The following CGNL1 variants were observed in gnomAD, a reference collection of about 807,000 sequenced individuals.
The protein encoded by CGNL1 is cingulin-like protein 1.
CGNL1 carries 132 observed loss-of-function variants against 141.2 expected under a neutral mutation model. That is an observed-to-expected ratio of 0.93 (90% CI 0.81 to 1.08). The LOEUF (loss-of-function observed/expected upper bound fraction) is 1.08. CGNL1 is among the 50% of genes least tolerant of loss of function. The probability of loss-of-function intolerance (pLI) is 0.00; values close to 1 mark genes in which losing one functional copy is unlikely to be tolerated. For missense variants in CGNL1, 1,870 were observed against 1,588.6 expected, an observed-to-expected ratio of 1.18 and a Z score of -3.01; for synonymous variants, 690 against 622.1, an observed-to-expected ratio of 1.11 and a Z score of -1.63.
chr15:57,390,349 C>CTGGA lies in CGNL1; in HGVS notation c.-16+13782_-16+13783insTGGA, dbSNP rs140462233. Among the ~76,000 whole-genome samples, 257 of 152,324 alleles carry CTGGA rather than the reference C, an allele frequency of 1.7e-3. 2 individuals carry two copies. The highest frequency in any genetic ancestry group is 5.9e-3 in the African/African-American group (246 of 41,572). On this transcript the variant is annotated intron_variant, in intron 1 of 18. Coordinates refer to ENST00000281282, the MANE Select transcript of CGNL1 (RefSeq NM_032866.5). Reference sequence around the variant, plus strand: ...GATTACAGAGGCATAAGAAGGCAAGCAGAAATGCTGGAAGCCTCTTAAAGC... The same window carrying CTGGA: ...GATTACAGAGGCATAAGAAGGCAAGCTGGAAGAAATGCTGGAAGCCTCTTAAAGC...
At chr15:57,459,118 C>T (rs746667497) in intron 7 of CGNL1, among the ~76,000 whole-genome samples, 6 of 152,186 alleles carry the variant, frequency 3.9e-5, no homozygotes, top group South Asian at 4.1e-4. Flanking sequence ...TTGGGTCCCC[C>T]GGTGGCAACC....
intron 3 of CGNL1, among the ~76,000 whole-genome samples, chr15:57,440,943 T>C (rs2063178774): frequency 6.6e-6 from 1 of 152,096 alleles, no homozygotes; most frequent in Non-Finnish European, 1.5e-5. Context: ...CTTTCCATGC[T>C]TATCTTGGTG....
chr15:57,543,496 T>C (rs1182030493), intron 14 of CGNL1, among the ~76,000 whole-genome samples, 200 bp from the exon 15 acceptor site: 2 of 152,162 alleles, frequency 1.3e-5, no homozygotes, highest in Non-Finnish European at 2.9e-5. Context: ...TTATTTGTAT[T>C]ACCAGTATTG....
intron 1 of CGNL1, among the ~76,000 whole-genome samples, chr15:57,389,190 C>T (rs1186256457): frequency 3.9e-5 from 6 of 151,990 alleles, no homozygotes; most frequent in African/African-American, 1.5e-4. Context: ...CCTGGGGCAT[C>T]AGAGTGCTCA....
chr15:57,482,615 G>A (rs2152363731), intron 8 of CGNL1, among the ~76,000 whole-genome samples: 1 of 152,198 alleles, frequency 6.6e-6, no homozygotes, highest in South Asian at 2.1e-4. Flanking sequence ...TAATTTCTGG[G>A]CTCTCTATTC....
intron 8 of CGNL1, among the ~76,000 whole-genome samples, chr15:57,466,133 C>T (rs2152338846): frequency 6.6e-6 from 1 of 152,324 alleles, no homozygotes; most frequent in Admixed American, 6.5e-5. Context: ...TCTTCGTAGT[C>T]TGTTAGGAGA....
At chr15:57,384,420 C>CG (rs1205748668) in intron 1 of CGNL1, among the ~76,000 whole-genome samples, 2 of 152,108 alleles carry the variant, frequency 1.3e-5, no homozygotes, top group Non-Finnish European at 2.9e-5. Flanking sequence ...AACAAGGCCA[C>CG]GGGAAATTGG....
At chr15:57,404,877 C>T (rs12909385) in intron 1 of CGNL1, among the ~76,000 whole-genome samples, 28,909 of 152,074 alleles carry the variant, frequency 0.19, 3,262 homozygotes, top group Non-Finnish European at 0.25. Flanking sequence ...TCCTTGGAGC[C>T]GTAAGACCCC....
At chr15:57,483,058 A>G (rs2063745370) in intron 8 of CGNL1, among the ~76,000 whole-genome samples, 3 of 152,228 alleles carry the variant, frequency 2.0e-5, no homozygotes, top group Admixed American at 1.3e-4. Flanking sequence ...AAGTGCTGGG[A>G]TTATAGGAGT....
intron 8 of CGNL1, among the ~76,000 whole-genome samples, chr15:57,489,941 TAAAAAC>T (rs1410227158): frequency 6.6e-6 from 1 of 152,090 alleles, no homozygotes; most frequent in African/African-American, 2.4e-5. Flanking sequence ...ACTAGAAAAA[TAAAAAC>T]AGTAGCGTTT....
At chr15:57,468,064 T>C (rs544628650) in intron 8 of CGNL1, among the ~76,000 whole-genome samples, 2 of 152,128 alleles carry the variant, frequency 1.3e-5, no homozygotes, top group Admixed American at 1.3e-4. Flanking sequence ...TAATCCACTT[T>C]GTTGGGGGAA....
intron 8 of CGNL1, among the ~76,000 whole-genome samples, chr15:57,513,041 T>C (rs1394224788): frequency 6.6e-6 from 1 of 152,164 alleles, no homozygotes; most frequent in Non-Finnish European, 1.5e-5. Flanking sequence ...TCAGTGGTTT[T>C]AGTATTCACA....
At chr15:57,456,724 C>G (rs527329028) in intron 7 of CGNL1, among the ~76,000 whole-genome samples, 9 of 151,964 alleles carry the variant, frequency 5.9e-5, no homozygotes, top group Middle Eastern at 3.4e-3. Context: ...CCAAGGGTGA[C>G]AGGTCAACGT....
intron 3 of CGNL1, 37 bp from the exon 4 acceptor site, chr15:57,442,336 G>T: frequency 7.7e-7 from 1 of 1,297,894 alleles, no homozygotes; most frequent in South Asian, 1.2e-5. Context: ...ACCAGTGGTT[G>T]TGTCCCTCAT....
rs1555429691 is a variant in CGNL1 at position 57,391,983 on chromosome 15, C to CA, written c.-16+15417dup. The stretch of plus-strand genomic sequence containing the variant: ...CTTCACATTTTTCTTTCCCCCCCCT[C>CA]ACCTGACACCATCACAATAAAAGTC... On this transcript the variant is annotated intron_variant, in intron 1 of 18. Coordinates refer to ENST00000281282, the MANE Select transcript of CGNL1 (RefSeq NM_032866.5). Among the ~76,000 whole-genome samples the CA allele has an allele frequency of 3.4e-5, 5 of 148,548 alleles. No homozygotes were observed. The South Asian group carries it at 6.6e-4, about 20-fold the overall frequency.
At chr15:57,544,416 C>G (rs1298320508) in intron 15 of CGNL1, 57 bp from the exon 16 acceptor site, 7 of 1,606,694 alleles carry the variant, frequency 4.4e-6, no homozygotes, top group Non-Finnish European at 6.0e-6. Context: ...TTCTTCGCTG[C>G]TCTGCACAGA....
At chr15:57,496,277 T>A (rs1436704340) in intron 8 of CGNL1, among the ~76,000 whole-genome samples, 1 of 152,188 alleles carries the variant, frequency 6.6e-6, no homozygotes, top group Non-Finnish European at 1.5e-5. Flanking sequence ...ATTGAGAAGA[T>A]CAAGAGTTGT....
intron 8 of CGNL1, among the ~76,000 whole-genome samples, chr15:57,479,093 G>A (rs974578234): frequency 8.5e-5 from 13 of 152,222 alleles, no homozygotes; most frequent in African/African-American, 3.1e-4. Flanking sequence ...GGTGCAAGGA[G>A]TTGTTTGAGA....
chr15:57,524,467 G>A (rs2031478152), intron 11 of CGNL1, 114 bp from the exon 12 acceptor site: 2 of 1,003,740 alleles, frequency 2.0e-6, no homozygotes, highest in African/African-American at 1.6e-5. Context: ...GGCCATCTTT[G>A]AGGGGGCCAT....
Sources: gnomAD v4.1 joint callset for allele counts (sites outside exome capture counted in the v4.1 genomes callset) on GRCh38, gnomAD v4.1.1 for gene constraint, MANE v1.5 for transcripts, NCBI Gene and HGNC (gene_info 2026-07-23, HGNC 2026-07-21) for gene names.